The following PXN variants were observed in gnomAD, a reference collection of about 807,000 sequenced individuals.
PXN encodes testicular tissue protein Li 134.
Under a neutral mutation model 103.6 loss-of-function variants are expected in PXN, and 61 were observed. That is an observed-to-expected ratio of 0.59 (90% CI 0.48 to 0.73). The LOEUF is 0.73. PXN is among the 30% of genes least tolerant of loss of function. The probability of loss-of-function intolerance (pLI) is 0.00; values close to 1 mark genes in which losing one functional copy is unlikely to be tolerated. For missense variants in PXN, 1,274 were observed against 1,460.3 expected, an observed-to-expected ratio of 0.87 and a Z score of 2.08; for synonymous variants, 562 against 607.8, an observed-to-expected ratio of 0.92 and a Z score of 1.11.
At chr12:120,257,668 A>G (rs1594531601) in intron 1 of PXN, among the ~76,000 whole-genome samples, 1 of 152,294 alleles carries the variant, frequency 6.6e-6, no homozygotes, top group Middle Eastern at 3.4e-3. Context: ...CACAAACTAG[A>G]CAGGAGGGAC....
chr12:120,246,681 T>C (rs976197566), intron 1 of PXN, among the ~76,000 whole-genome samples: 3 of 151,416 alleles, frequency 2.0e-5, no homozygotes, highest in African/African-American at 7.3e-5. Context: ...GGTAAAACCC[T>C]GTCTCTACTA....
In PXN at chr12:120,228,962, T is replaced by C. The variant is rs762226614; in HGVS notation, c.14-4585A>G. Reference sequence around the variant, plus strand: ...AAGCCCTTCCCTGGGCCTCAGCAACTGACTGAGCGTAATCCTTACAACCGG... The same window carrying C: ...AAGCCCTTCCCTGGGCCTCAGCAACCGACTGAGCGTAATCCTTACAACCGG... On this transcript the variant is annotated intron_variant, in intron 1 of 14. Transcript: ENST00000637617. This position sits in a 1 kb window ranked among gnomAD's most constrained non-coding sequence, Gnocchi z 4.7. Among the ~76,000 whole-genome samples, 15 of 152,186 alleles carry C rather than the reference T, an allele frequency of 9.9e-5. No individual in the cohort carries two copies. Among genetic ancestry groups the C allele is most frequent in the Non-Finnish European group, 2.2e-4 (15 of 68,028 alleles).
In PXN at chr12:120,224,108, C is replaced by G; in HGVS notation, c.240+43G>C. 1 of 1,445,620 alleles carries G rather than the reference C, an allele frequency of 6.9e-7. No individual in the cohort carries two copies. 89.5% of individuals were successfully genotyped at this position (1,445,620 alleles called of 1,614,324 possible). ...CCCCTGCCAGCTAAGTTCCCTCTGT[C>G]CCCCAGCCTCCTTGGCCTTCCCAGC... is the stretch of plus-strand genomic sequence containing the variant. On this transcript the variant is annotated intron_variant, in intron 2 of 14. Transcript: ENST00000637617. The surrounding 1 kb of genome is among the most constrained non-coding windows in gnomAD (Gnocchi z 5.0).
At chr12:120,226,543 G>C (rs1886921911) in intron 1 of PXN, 6 of 1,224,408 alleles carry the variant, frequency 4.9e-6, no homozygotes, top group Non-Finnish European at 6.3e-6. Flanking sequence ...TTTTGAATCA[G>C]GGACTCCACC....
At chr12:120,223,401 T>A (rs891743153) in intron 3 of PXN, among the ~76,000 whole-genome samples, 1 of 150,482 alleles carries the variant, frequency 6.6e-6, no homozygotes, top group Non-Finnish European at 1.5e-5. Flanking sequence ...GCGACTGCAC[T>A]CCAGCCTGGG....
chr12:120,212,716 G>T lies in PXN; in HGVS notation c.2980-136C>A. The T allele has an allele frequency of 1.0e-6, 1 of 962,514 alleles. No individual in the cohort carries two copies. The highest frequency in any genetic ancestry group is 1.5e-6 in the Non-Finnish European group (1 of 672,564). The allele number at this position is 962,514 out of a possible 1,614,324, so 59.6% of individuals were successfully genotyped here. ...CTAGGCGTTTCCCATGTGCCGTGTT[G>T]TCCTAAACGCTCATTTTTCATTTTT... On this transcript the variant is annotated intron_variant, in intron 14 of 14. Coordinates refer to ENST00000637617, the MANE Select transcript of PXN (RefSeq NM_001385981.1). The surrounding 1 kb of genome is among the most constrained non-coding windows in gnomAD (Gnocchi z 7.2).
intron 1 of PXN, among the ~76,000 whole-genome samples, chr12:120,240,803 T>C (rs1401373453): frequency 1.3e-5 from 2 of 152,084 alleles, no homozygotes; most frequent in African/African-American, 2.4e-5. Flanking sequence ...ACATCGACAC[T>C]AACCCACCCA....
At chr12:120,234,015 AG>A (rs965893008) in intron 1 of PXN, among the ~76,000 whole-genome samples, 1 of 152,236 alleles carries the variant, frequency 6.6e-6, no homozygotes, top group Non-Finnish European at 1.5e-5. Context: ...AAATGTACTC[AG>A]GGGCAAGAAA....
intron 7 of PXN, among the ~76,000 whole-genome samples, chr12:120,218,236 GT>G (rs1883919279): frequency 6.6e-6 from 1 of 151,766 alleles, no homozygotes; most frequent in South Asian, 2.1e-4. Context: ...TAGAGACAGG[GT>G]TTCACTGTGT....
intron 1 of PXN, among the ~76,000 whole-genome samples, chr12:120,244,417 C>T (rs1411785461): frequency 2.6e-5 from 4 of 151,524 alleles, no homozygotes; most frequent in Non-Finnish European, 4.4e-5. Flanking sequence ...GAGGCCGAGG[C>T]GGGCGGATCA....
At position 120,219,428 on chromosome 12, in the gene PXN, G is replaced by C. The variant is rs1157088434; in HGVS notation, c.1495C>G (p.Leu499Val). Residue 499 changes from leucine to valine, a missense_variant, in exon 7 of 15, where the codon CTG (leucine) becomes GTG (valine). Around this residue, in one of 2 missense-constraint regions of PXN, gnomAD observed 1,178 missense variants for 1,309.0 expected, o/e 0.90. Coordinates refer to ENST00000637617, the MANE Select transcript of PXN (RefSeq NM_001385981.1). This position sits in a 1 kb window ranked among gnomAD's most constrained non-coding sequence, Gnocchi z 6.5. ...QERPRPEPGR[L>V]GSSSPASVTT... ...ACTGAGGCAGGGGAGCTGCTTCCCA[G>C]CCTCCCTGGCTCTGGCCTTGGCCTC... 1 of 1,598,064 alleles carries C rather than the reference G, an allele frequency of 6.3e-7. No homozygotes were observed. Among genetic ancestry groups the C allele is most frequent in the Non-Finnish European group, 8.5e-7 (1 of 1,179,492 alleles).
Position 120,220,640 on chromosome 12 carries a change from C to T in PXN, c.832-549G>A, listed in dbSNP as rs1020393333. On this transcript the variant is annotated intron_variant, in intron 6 of 14. Coordinates refer to ENST00000637617, the MANE Select transcript of PXN (RefSeq NM_001385981.1). The surrounding 1 kb of genome is among the most constrained non-coding windows in gnomAD (Gnocchi z 6.1). Reference sequence around the variant, plus strand: ...GCCTTAAAAGCACCGGGGCACAGCTCCCTCAGGCCAGGCCCTGAATCCAAC... The same window carrying T: ...GCCTTAAAAGCACCGGGGCACAGCTTCCTCAGGCCAGGCCCTGAATCCAAC... 5.3e-5 allele frequency among the ~76,000 whole-genome samples: 8 copies of T among 152,198 alleles called. No individual in the cohort carries two copies. The highest frequency in any genetic ancestry group is 1.9e-4 in the African/African-American group (8 of 41,458).
chr12:120,223,884 A>C (rs1886025107), intron 2 of PXN, 51 bp from the exon 3 acceptor site: 1 of 1,377,092 alleles, frequency 7.3e-7, no homozygotes, highest in Non-Finnish European at 1.0e-6. Context: ...AAAAAGGAAC[A>C]GGGGCCAGGA....
At position 120,222,088 on chromosome 12, in the gene PXN, C is replaced by T. The variant is rs78637558; in HGVS notation, c.696-330G>A. Among the ~76,000 whole-genome samples, 758 of 152,292 alleles carry T rather than the reference C, an allele frequency of 5.0e-3. 10 individuals carry two copies. Among genetic ancestry groups the T allele is most frequent in the Non-Finnish European group, 5.7e-3 (386 of 68,018 alleles). On this transcript the variant is annotated intron_variant, in intron 5 of 14. Transcript: ENST00000637617. This position sits in a 1 kb window ranked among gnomAD's most constrained non-coding sequence, Gnocchi z 4.7. ...ACACGACGGCACTGGTAAGAGCTCG[C>T]GTGTTGGGCACTCACCATGTGTGCC...
chr12:120,261,260 G>A (rs1255184554), intron 1 of PXN, among the ~76,000 whole-genome samples: 6 of 152,126 alleles, frequency 3.9e-5, no homozygotes, highest in East Asian at 1.9e-4. Context: ...ATGCGATCTC[G>A]GCTTACTGCA....
chr12:120,260,501 A>G (rs528592239), intron 1 of PXN, among the ~76,000 whole-genome samples: 1 of 4,506 alleles, frequency 2.2e-4, no homozygotes, highest in East Asian at 0.017. Flanking sequence ...GAAACTCAGG[A>G]AAAAAAAAAA....
At chr12:120,246,514 CAAAA>C (rs139689226) in intron 1 of PXN, among the ~76,000 whole-genome samples, 2 of 58,330 alleles carry the variant, frequency 3.4e-5, no homozygotes, top group African/African-American at 6.2e-5. Flanking sequence ...GACTCTGTCT[CAAAA>C]AAAAAAAAAA....
chr12:120,212,389 C>A lies in PXN; in HGVS notation c.3171G>T (p.Gln1057His). 6.2e-7 allele frequency: 1 copy of A among 1,614,032 alleles called. No homozygotes were observed. The highest frequency in any genetic ancestry group is 8.5e-7 in the Non-Finnish European group (1 of 1,179,910). The change falls in exon 15 of 15, where the codon CAG becomes CAT. Residue 1057 changes from glutamine to histidine, a missense_variant. Physicochemically the swap from Gln to His is conservative, Grantham distance 24. Transcript: ENST00000637617. This position sits in a 1 kb window ranked among gnomAD's most constrained non-coding sequence, Gnocchi z 7.2. ...GCTCCTTGAAGGTGCCCTTGTTGAG[C>A]TGCTTGAGGCAGAAGGCACAGACGA... ...EHFVCAFCLK[Q>H]LNKGTFKEQN...
In PXN at chr12:120,230,130, G is replaced by T. The variant is rs183272060; in HGVS notation, c.14-5753C>A. ...ACTCAGCTTTCATTGCCCCAGGCAG[G>T]GAGCGGCCAGTGCAGCTTCCTTAGG... On this transcript the variant is annotated intron_variant, in intron 1 of 14. Coordinates refer to ENST00000637617, the MANE Select transcript of PXN (RefSeq NM_001385981.1). 2.5e-3 allele frequency among the ~76,000 whole-genome samples: 388 copies of T among 152,324 alleles called. 11 individuals are homozygous for T. The highest frequency in any genetic ancestry group is 6.6e-4 in the Non-Finnish European group (45 of 68,032).
Sources: gnomAD v4.1 joint callset for allele counts (sites outside exome capture counted in the v4.1 genomes callset) on GRCh38, gnomAD v4.1.1 for gene constraint, gnomAD v4.1.1 regional missense constraint, Gnocchi (gnomAD v3.1) non-coding constraint, MANE v1.5 for transcripts, NCBI Gene and HGNC (gene_info 2026-07-23, HGNC 2026-07-21) for gene names.